NEGR1: variants seen among roughly 807,000 people sequenced by gnomAD.
NEGR1 encodes the protein IgLON family member 4.
A neutral mutation model predicts 40.9 loss-of-function variants in NEGR1; 10 were observed. The ratio of observed to expected loss-of-function variants is 0.24; its 90% CI spans 0.15 to 0.42. The LOEUF (loss-of-function observed/expected upper bound fraction) is 0.42, where lower values mean the gene tolerates loss of function less well. NEGR1 is among the 10% of genes least tolerant of loss of function. The pLI is 1.00. For synonymous variants in NEGR1, 185 were observed against 166.8 expected, an observed-to-expected ratio of 1.11 and a Z score of -0.84; for missense variants, 352 against 438.9, an observed-to-expected ratio of 0.80 and a Z score of 1.77.
chr1:71,779,578 C>CT (rs1656628052), intron 2 of NEGR1, among the ~76,000 whole-genome samples: 1 of 136,572 alleles, frequency 7.3e-6, no homozygotes, highest in African/African-American at 2.7e-5. Context: ...TTTTTTTTTT[C>CT]TTTTTTTGAC....
intron 1 of NEGR1, among the ~76,000 whole-genome samples, chr1:72,076,725 C>A (rs150794085): frequency 6.6e-6 from 1 of 152,038 alleles, no homozygotes; most frequent in Non-Finnish European, 1.5e-5. Context: ...CGTGCACACG[C>A]GCACACACAC....
chr1:72,242,235 A>G (rs1229197270), intron 1 of NEGR1, among the ~76,000 whole-genome samples: 1 of 151,664 alleles, frequency 6.6e-6, no homozygotes, highest in East Asian at 1.9e-4. Flanking sequence ...CAACTTCTAC[A>G]CTTTGATTTG....
chr1:71,751,910 A>G (rs1655583003), intron 3 of NEGR1, among the ~76,000 whole-genome samples: 1 of 152,216 alleles, frequency 6.6e-6, no homozygotes. Context: ...TTATCGTCAT[A>G]TGAGAATATG....
chr1:71,556,224 G>C (rs533175537), intron 6 of NEGR1, among the ~76,000 whole-genome samples: 9 of 149,964 alleles, frequency 6.0e-5, no homozygotes, highest in African/African-American at 2.2e-4. Flanking sequence ...GGGTTTCTCT[G>C]CTGCCTTTTA....
chr1:71,860,672 C>T (rs944119308), intron 2 of NEGR1, among the ~76,000 whole-genome samples: 1 of 151,644 alleles, frequency 6.6e-6, no homozygotes, highest in Admixed American at 6.6e-5. Context: ...ATACTAAAAG[C>T]AAAACAACAT....
intron 3 of NEGR1, among the ~76,000 whole-genome samples, chr1:71,750,182 A>G: frequency 6.6e-6 from 1 of 151,746 alleles, no homozygotes; most frequent in African/African-American, 2.4e-5. Flanking sequence ...TTTAGTAGAG[A>G]CGGGGTTTCA....
intron 4 of NEGR1, among the ~76,000 whole-genome samples, chr1:71,682,003 T>C (rs1652855009): frequency 6.6e-6 from 1 of 151,704 alleles, no homozygotes; most frequent in South Asian, 2.1e-4. Flanking sequence ...ACTTTTGTAT[T>C]TTTAGTAGAG....
chr1:71,633,511 G>T (rs534840663), intron 4 of NEGR1, among the ~76,000 whole-genome samples: 9 of 152,196 alleles, frequency 5.9e-5, no homozygotes, highest in Admixed American at 2.0e-4. Context: ...GAAGTCAAGG[G>T]CTGAACTATG....
At chr1:71,616,091 C>T (rs567591812) in intron 4 of NEGR1, among the ~76,000 whole-genome samples, 2 of 152,184 alleles carry the variant, frequency 1.3e-5, no homozygotes, top group South Asian at 2.1e-4. Flanking sequence ...TCTGATAATG[C>T]CCAGAGGATT....
chr1:71,742,096 G>T (rs1557635101), intron 3 of NEGR1, among the ~76,000 whole-genome samples: 1 of 152,150 alleles, frequency 6.6e-6, no homozygotes. Context: ...GCTCTCGTAA[G>T]AGGATTAGTG....
intron 6 of NEGR1, among the ~76,000 whole-genome samples, chr1:71,410,304 C>T (rs955557282): frequency 6.6e-6 from 1 of 151,984 alleles, no homozygotes; most frequent in African/African-American, 2.4e-5. Flanking sequence ...AAGTTAGTCA[C>T]CATAATGTGA....
At chr1:72,256,970 T>G (rs1655290407) in intron 1 of NEGR1, among the ~76,000 whole-genome samples, 1 of 152,162 alleles carries the variant, frequency 6.6e-6, no homozygotes, top group South Asian at 2.1e-4. Context: ...TCATTTAAAC[T>G]CAAATTAAGA....
intron 1 of NEGR1, among the ~76,000 whole-genome samples, chr1:72,259,317 C>T (rs532857524): frequency 2.6e-5 from 4 of 152,050 alleles, no homozygotes; most frequent in South Asian, 2.1e-4. Context: ...AGATGGTTAA[C>T]GGATAAGGAT....
intron 3 of NEGR1, among the ~76,000 whole-genome samples, chr1:71,734,228 C>CGCAGAA (rs1438676852): frequency 2.0e-5 from 3 of 152,130 alleles, no homozygotes; most frequent in African/African-American, 7.2e-5. Flanking sequence ...AAGTAAGACC[C>CGCAGAA]GCAGAATGGT....
chr1:71,915,727 A>G (rs1414251277), intron 2 of NEGR1, among the ~76,000 whole-genome samples: 1 of 152,198 alleles, frequency 6.6e-6, no homozygotes, highest in Admixed American at 6.5e-5. Flanking sequence ...ATGCCTGTGT[A>G]ATATCGTAAT....
chr1:71,609,842 C>T (rs1003556925), intron 5 of NEGR1, among the ~76,000 whole-genome samples: 1 of 152,082 alleles, frequency 6.6e-6, no homozygotes, highest in Non-Finnish European at 1.5e-5. Context: ...AATTGTAATC[C>T]CCATATGTTG....
chr1:71,477,184 A>G (rs952803111), intron 6 of NEGR1, among the ~76,000 whole-genome samples: 1 of 152,118 alleles, frequency 6.6e-6, no homozygotes, highest in Non-Finnish European at 1.5e-5. Context: ...TAAAAAGGCA[A>G]CCTTGCTTAA....
At chr1:71,877,358 C>T (rs1441574853) in intron 2 of NEGR1, among the ~76,000 whole-genome samples, 1 of 151,956 alleles carries the variant, frequency 6.6e-6, no homozygotes, top group Non-Finnish European at 1.5e-5. Context: ...TTATTTTTTT[C>T]ATAGTTCTGA....
chr1:71,618,084 A>G (rs1650500304), intron 4 of NEGR1, among the ~76,000 whole-genome samples: 1 of 152,188 alleles, frequency 6.6e-6, no homozygotes, highest in African/African-American at 2.4e-5. Flanking sequence ...GGGGGCGAAA[A>G]GTGAACACTG....
Sources: gnomAD v4.1 joint callset for allele counts (sites outside exome capture counted in the v4.1 genomes callset) on GRCh38, gnomAD v4.1.1 for gene constraint, MANE v1.5 for transcripts, NCBI Gene and HGNC (gene_info 2026-07-23, HGNC 2026-07-21) for gene names.